PARD3B: variants seen among roughly 807,000 people sequenced by gnomAD.
The protein encoded by PARD3B is par-3 family cell polarity regulator beta.
In PARD3B, 103 loss-of-function variants were observed where a neutral mutation model predicts 130.2. The ratio of observed to expected loss-of-function variants is 0.79; its 90% CI spans 0.67 to 0.93. The LOEUF is 0.93. Among genes scored for constraint, PARD3B ranks in the 40% least tolerant of loss-of-function variants. The pLI is 0.00. For missense variants in PARD3B, 1,609 were observed against 1,499.2 expected, an observed-to-expected ratio of 1.07 and a Z score of -1.21; for synonymous variants, 583 against 553.2, an observed-to-expected ratio of 1.05 and a Z score of -0.76.
chr2:205,328,770 C>T (rs1206066862), intron 18 of PARD3B, among the ~76,000 whole-genome samples: 5 of 152,056 alleles, frequency 3.3e-5, no homozygotes, highest in Admixed American at 2.0e-4. Flanking sequence ...CCATCTCTTT[C>T]CTTATAATTA....
Position 205,229,291 on chromosome 2 carries a change from G to A in PARD3B, c.2141-16487G>A, listed in dbSNP as rs1452681802. ...CGGTTCTTGGGGTCATCAATTCCAC[G>A]CTTTGGCTCTTCAAGGGAATTGAGT... On this transcript the variant is annotated intron_variant, in intron 15 of 22. Transcript: ENST00000406610. The surrounding 1 kb of genome is among the most constrained non-coding windows in gnomAD (Gnocchi z 5.2). Among the ~76,000 whole-genome samples, 1 of 152,122 alleles carries A rather than the reference G, an allele frequency of 6.6e-6. No homozygotes were observed. Among genetic ancestry groups the A allele is most frequent in the Non-Finnish European group, 1.5e-5 (1 of 68,018 alleles).
chr2:205,565,646 A>T (rs563460076), intron 22 of PARD3B, among the ~76,000 whole-genome samples: 61 of 152,286 alleles, frequency 4.0e-4, no homozygotes, highest in East Asian at 1.7e-3. Flanking sequence ...CCAATTTTTT[A>T]AAAAATGAAA....
rs544765704 is a variant in PARD3B at position 205,227,178 on chromosome 2, G to A, written c.2141-18600G>A. 2.6e-5 allele frequency among the ~76,000 whole-genome samples: 4 copies of A among 152,124 alleles called. No homozygotes were observed. In the South Asian group the frequency reaches 8.3e-4, roughly 32 times the overall value. ...GCAGCCATTGTGGGAAATGTTCTAT[G>A]AACATCTATTTAGTCCATTTGGTCT... On this transcript the variant is annotated intron_variant, in intron 15 of 22. Coordinates refer to ENST00000406610, the MANE Select transcript of PARD3B (RefSeq NM_001302769.2).
intron 2 of PARD3B, among the ~76,000 whole-genome samples, chr2:204,852,628 C>T (rs919285552): frequency 2.7e-5 from 4 of 150,466 alleles, no homozygotes; most frequent in Admixed American, 6.6e-5. Flanking sequence ...GAGGCTGAGG[C>T]GTTGTGCCTT....
In PARD3B at chr2:205,279,729, C is replaced by T. The variant is rs546546668; in HGVS notation, c.2186-20801C>T. Among the ~76,000 whole-genome samples the T allele has an allele frequency of 6.0e-4, 91 of 152,236 alleles. 1 individual carries two copies. The Middle Eastern group carries it at 0.01, about 17-fold the overall frequency. ...GTTGCTTTTGATGGTTCAGCCAGTT[C>T]CATTTCAGTGAAGGGACATCACTTC... On this transcript the variant is annotated intron_variant, in intron 16 of 22. Transcript: ENST00000406610.
At position 205,118,954 on chromosome 2, in the gene PARD3B, C is replaced by CA; in HGVS notation, c.716dup (p.Asn239LysfsTer14). The CA allele has an allele frequency of 1.2e-6, 2 of 1,609,818 alleles. No homozygotes were observed. The highest frequency in any genetic ancestry group is 1.7e-6 in the Non-Finnish European group (2 of 1,178,384). On this transcript the variant is annotated frameshift_variant, in exon 7 of 23. Transcript: ENST00000406610. LOFTEE classifies it high-confidence loss of function. ...GACTCTTCATCCGAGGCATTGAAGA[C>CA]AACAGCAGGTCCAAGCGGGAGGGAC...
intron 4 of PARD3B, among the ~76,000 whole-genome samples, chr2:205,059,084 T>C (rs922584351): frequency 6.6e-6 from 1 of 152,016 alleles, no homozygotes; most frequent in African/African-American, 2.4e-5. Context: ...AGGTCTTCGA[T>C]TTATTTTGAG....
chr2:204,735,939 A>G (rs1343674155), intron 2 of PARD3B, among the ~76,000 whole-genome samples: 1 of 152,194 alleles, frequency 6.6e-6, no homozygotes, highest in Non-Finnish European at 1.5e-5. Flanking sequence ...TAACTTTTCT[A>G]CGTGCTTAAA....
intron 5 of PARD3B, among the ~76,000 whole-genome samples, chr2:205,109,796 A>G (rs761316849): frequency 1.1e-4 from 16 of 151,586 alleles, no homozygotes; most frequent in African/African-American, 3.2e-4. Context: ...TGGGACTACA[A>G]GTGTGTGCCA....
intron 2 of PARD3B, among the ~76,000 whole-genome samples, chr2:204,705,638 A>G (rs758923484): frequency 1.3e-5 from 2 of 152,222 alleles, no homozygotes; most frequent in Non-Finnish European, 1.5e-5. Context: ...TGTCTGTTAA[A>G]TATCATCTGT....
intron 2 of PARD3B, among the ~76,000 whole-genome samples, chr2:204,815,831 T>C (rs1393789190): frequency 6.6e-6 from 1 of 152,038 alleles, no homozygotes; most frequent in Non-Finnish European, 1.5e-5. Context: ...GGAGATGTTT[T>C]GTTACTGATT....
intron 2 of PARD3B, among the ~76,000 whole-genome samples, chr2:204,731,834 C>T (rs998518261): frequency 6.6e-6 from 1 of 152,006 alleles, no homozygotes; most frequent in African/African-American, 2.4e-5. Flanking sequence ...TGGTTAGAAC[C>T]TTTTCTGACC....
At chr2:205,298,369 G>T (rs377574919) in intron 16 of PARD3B, among the ~76,000 whole-genome samples, 3 of 152,004 alleles carry the variant, frequency 2.0e-5, no homozygotes, top group African/African-American at 7.2e-5. Flanking sequence ...TTCAATTTCT[G>T]TTTCTTCAAC....
intron 19 of PARD3B, among the ~76,000 whole-genome samples, chr2:205,423,270 T>C (rs1446516502): frequency 6.6e-6 from 1 of 152,176 alleles, no homozygotes; most frequent in African/African-American, 2.4e-5. Flanking sequence ...GACCAGATGA[T>C]GAGGATGCTC....
intron 15 of PARD3B, among the ~76,000 whole-genome samples, chr2:205,202,709 T>C (rs1447621961): frequency 6.6e-6 from 1 of 152,152 alleles, no homozygotes; most frequent in African/African-American, 2.4e-5. Flanking sequence ...TCATCCCTCT[T>C]ACATAAAAAC....
In PARD3B at chr2:204,715,236, A is replaced by G. The variant is rs1376743797; in HGVS notation, c.222+28954A>G. Among the ~76,000 whole-genome samples, 5 of 152,206 alleles carry G rather than the reference A, an allele frequency of 3.3e-5. No homozygotes were observed. The East Asian group carries it at 9.6e-4, about 29-fold the overall frequency. On this transcript the variant is annotated intron_variant, in intron 2 of 22. Coordinates refer to ENST00000406610, the MANE Select transcript of PARD3B (RefSeq NM_001302769.2). ...ATTACCCAATCACTTTTAAAATTTA[A>G]TATGGGATCCCTGTGCCTAATGAAG...
chr2:205,486,676 A>G (rs2049455018), intron 20 of PARD3B, among the ~76,000 whole-genome samples: 1 of 152,022 alleles, frequency 6.6e-6, no homozygotes, highest in Non-Finnish European at 1.5e-5. Flanking sequence ...TAGGGGAGGA[A>G]AGGCGCTACA....
chr2:204,594,794 G>C (rs909631143), intron 1 of PARD3B, among the ~76,000 whole-genome samples: 1 of 152,040 alleles, frequency 6.6e-6, no homozygotes, highest in Non-Finnish European at 1.5e-5. Context: ...AGAAAATAAC[G>C]TATAACAAAG....
At chr2:205,579,221 G>T (rs552496585) in intron 22 of PARD3B, among the ~76,000 whole-genome samples, 3 of 152,164 alleles carry the variant, frequency 2.0e-5, no homozygotes, top group Non-Finnish European at 4.4e-5. Context: ...ATGGTCGGGG[G>T]TGGAGGTGAG....
Sources: gnomAD v4.1 joint callset for allele counts (sites outside exome capture counted in the v4.1 genomes callset) on GRCh38, gnomAD v4.1.1 for gene constraint, Gnocchi (gnomAD v3.1) non-coding constraint, MANE v1.5 for transcripts, NCBI Gene and HGNC (gene_info 2026-07-23, HGNC 2026-07-21) for gene names.